SLC7A1: variants seen among roughly 807,000 people sequenced by gnomAD.
The protein encoded by SLC7A1 is high affinity cationic amino acid transporter 1.
In SLC7A1, 10 loss-of-function variants were observed where a neutral mutation model predicts 53.9. That is an observed-to-expected ratio of 0.19 (90% CI 0.11 to 0.31). The LOEUF is 0.31. SLC7A1 is among the 10% of genes least tolerant of loss of function. The pLI is 1.00. For synonymous variants in SLC7A1, 342 were observed against 338.7 expected (o/e 1.01, Z -0.11); for missense variants, 525 against 827.2 (o/e 0.63, Z 4.48).
intron 4 of SLC7A1, among the ~76,000 whole-genome samples, chr13:29,531,514 C>G (rs903221014): frequency 3.8e-4 from 58 of 152,302 alleles, no homozygotes; most frequent in African/African-American, 1.2e-3. Flanking sequence ...TTTGAGACCA[C>G]TGCTCTGCCA....
At chr13:29,542,404 G>A (rs375853362) in intron 2 of SLC7A1, among the ~76,000 whole-genome samples, 4 of 152,088 alleles carry the variant, frequency 2.6e-5, no homozygotes, top group South Asian at 2.1e-4. Context: ...ACAGTGAGCC[G>A]AGATCACGCC....
chr13:29,594,799 G>GA lies in SLC7A1; in HGVS notation c.-115+616dup, dbSNP rs1872241043. Among the ~76,000 whole-genome samples the GA allele has an allele frequency of 2.0e-5, 3 of 152,312 alleles. No homozygotes were observed. In the East Asian group the frequency reaches 5.8e-4, roughly 29 times the overall value. ...CAGGCGGCGCGTCCCGGGTTCTAGG[G>GA]ACAAGCGGAGAGCCAGGCGCCCTAG... On this transcript the variant is annotated intron_variant, in intron 1 of 12. Transcript: ENST00000380752.
In SLC7A1 at chr13:29,514,444, G is replaced by A. The variant is rs771009213; in HGVS notation, c.*36C>T. 46 of 1,540,156 alleles carry A rather than the reference G, an allele frequency of 3.0e-5. No individual in the cohort carries two copies. Among genetic ancestry groups the A allele is most frequent in the South Asian group, 1.0e-4 (9 of 89,490 alleles). ...TCCCGGTCCTCTGGGGGCGTCCCTC[G>A]GGGCTGCTGCCACCTCCGGGGGGCG... On this transcript the variant is annotated 3_prime_UTR_variant, in exon 13 of 13. Transcript: ENST00000380752.
At chr13:29,544,297 A>G (rs1244115966) in intron 2 of SLC7A1, among the ~76,000 whole-genome samples, 1 of 152,188 alleles carries the variant, frequency 6.6e-6, no homozygotes, top group African/African-American at 2.4e-5. Flanking sequence ...AAATCCTAAA[A>G]TATTAACTGA....
chr13:29,521,391 A>G (rs376058814), intron 8 of SLC7A1, among the ~76,000 whole-genome samples: 25 of 152,200 alleles, frequency 1.6e-4, no homozygotes, highest in African/African-American at 5.3e-4. Flanking sequence ...CTAATTTGCC[A>G]AAAAGACCCA....
chr13:29,532,681 G>A (rs1869216676), intron 4 of SLC7A1, 143 bp downstream of exon 4: 2 of 649,330 alleles, frequency 3.1e-6, no homozygotes, highest in Non-Finnish European at 2.6e-6. Flanking sequence ...AAATAAAGAT[G>A]CCTGCATGCA....
At chr13:29,530,381 C>A (rs1368034449) in intron 5 of SLC7A1, among the ~76,000 whole-genome samples, 157 bp downstream of exon 5, 1 of 152,166 alleles carries the variant, frequency 6.6e-6, no homozygotes, top group Admixed American at 6.5e-5. Context: ...ATACAAAATA[C>A]CCTCAGCTAC....
At chr13:29,518,899 T>C (rs2776952) in intron 9 of SLC7A1, among the ~76,000 whole-genome samples, 145,163 of 151,808 alleles carry the variant, frequency 0.96, 69,546 homozygotes, top group Non-Finnish European at 0.99. Flanking sequence ...AGCTTTACTG[T>C]GACTGGGAGA....
At position 29,514,263 on chromosome 13, in the gene SLC7A1, C is replaced by T. The variant is rs1007769103; in HGVS notation, c.*217G>A. 42 of 561,934 alleles carry T rather than the reference C, an allele frequency of 7.5e-5. 1 individual carries two copies. Among genetic ancestry groups the T allele is most frequent in the South Asian group, 1.3e-4 (6 of 45,802 alleles). The allele number at this position is 561,934 out of a possible 1,614,324, so 34.8% of individuals were successfully genotyped here. Reference sequence around the variant, plus strand: ...GTGGCCAGCCGCAGCCTAGTGGCCCCGGCCAGGCAGCTGTCTGGAGGTGAC... The same window carrying T: ...GTGGCCAGCCGCAGCCTAGTGGCCCTGGCCAGGCAGCTGTCTGGAGGTGAC... On this transcript the variant is annotated 3_prime_UTR_variant, in exon 13 of 13. Transcript: ENST00000380752.
chr13:29,579,300 G>C (rs1026773278), intron 1 of SLC7A1, among the ~76,000 whole-genome samples: 3 of 151,916 alleles, frequency 2.0e-5, no homozygotes, highest in Non-Finnish European at 4.4e-5. Context: ...AGGACACCAC[G>C]GCCAGGGATC....
intron 1 of SLC7A1, among the ~76,000 whole-genome samples, chr13:29,561,797 G>C (rs565336157): frequency 7.9e-5 from 12 of 152,270 alleles, no homozygotes; most frequent in African/African-American, 2.9e-4. Context: ...CCCCTTTTGT[G>C]ATGGGCCCCA....
chr13:29,522,842 C>A (rs1244695961), intron 7 of SLC7A1, among the ~76,000 whole-genome samples: 1 of 152,192 alleles, frequency 6.6e-6, no homozygotes, highest in Non-Finnish European at 1.5e-5. Flanking sequence ...TACCAAATAG[C>A]TCTGTTTATA....
At chr13:29,572,758 T>C (rs1452015679) in intron 1 of SLC7A1, among the ~76,000 whole-genome samples, 1 of 152,180 alleles carries the variant, frequency 6.6e-6, no homozygotes, top group Non-Finnish European at 1.5e-5. Flanking sequence ...AGCACTACAG[T>C]TGACCAGCAC....
At chr13:29,518,993 A>T (rs1431129458) in intron 9 of SLC7A1, among the ~76,000 whole-genome samples, 4 of 152,116 alleles carry the variant, frequency 2.6e-5, no homozygotes, top group African/African-American at 9.7e-5. Flanking sequence ...ATGCCACATA[A>T]TGGGATTCAT....
Position 29,514,230 on chromosome 13 carries a change from G to A in SLC7A1, c.*250C>T. 1 of 544,704 alleles carries A rather than the reference G, an allele frequency of 1.8e-6. No individual in the cohort carries two copies. 33.7% of individuals were successfully genotyped at this position (544,704 alleles called of 1,614,324 possible). A position where few individuals can be genotyped will look rare whatever the true frequency, so the allele number is the denominator to read the frequency against. ...GAACTGCTTTGTTCAGAGAAGTGAG[G>A]AGACACAGTGGCCAGCCGCAGCCTA... On this transcript the variant is annotated 3_prime_UTR_variant, in exon 13 of 13. Coordinates refer to ENST00000380752, the MANE Select transcript of SLC7A1 (RefSeq NM_003045.5).
Position 29,536,110 on chromosome 13 carries a change from G to A in SLC7A1, c.79C>T (p.Arg27Trp), listed in dbSNP as rs141349204. The A allele has an allele frequency of 1.2e-6, 2 of 1,613,984 alleles. No homozygotes were observed. The highest frequency in any genetic ancestry group is 1.7e-6 in the Non-Finnish European group (2 of 1,180,038). ...AAAGTGTTCAGGCAGCGAGACAGCC[G>A]CGTCTCCTCCCGGCTACAGTCCACC... is the stretch of plus-strand genomic sequence containing the variant. ...KVVDCSREET[R>W]LSRCLNTFDL... Residue 27 changes from arginine (R) to tryptophan (W), a missense_variant, in exon 3 of 13, where the codon CGG becomes TGG. Coordinates refer to ENST00000380752, the MANE Select transcript of SLC7A1 (RefSeq NM_003045.5).
intron 2 of SLC7A1, among the ~76,000 whole-genome samples, chr13:29,544,769 G>A (rs766631123): frequency 2.8e-4 from 39 of 139,168 alleles, no homozygotes; most frequent in Admixed American, 2.2e-3. Context: ...ATGGCATGGC[G>A]GCGAGGGCAG....
At position 29,525,615 on chromosome 13, in the gene SLC7A1, A is replaced by G. The variant is rs573081022; in HGVS notation, c.705-1362T>C. Among the ~76,000 whole-genome samples, 6 of 152,324 alleles carry G rather than the reference A, an allele frequency of 3.9e-5. No individual in the cohort carries two copies. In the South Asian group the frequency reaches 1.2e-3, roughly 32 times the overall value. On this transcript the variant is annotated intron_variant, in intron 5 of 12. Transcript: ENST00000380752. The stretch of plus-strand genomic sequence containing the variant: ...ATTAAGCCTTACTAATTCCTAGAGG[A>G]TCATCACAGCTCTCAGTTACAGAAA...
chr13:29,517,565 G>A lies in SLC7A1; in HGVS notation c.1510+8C>T, dbSNP rs370357203. The A allele has an allele frequency of 9.3e-6, 15 of 1,606,112 alleles. No individual in the cohort carries two copies. In the African/African-American group the frequency reaches 1.9e-4, roughly 20 times the overall value. ...CAAGCAAGGCCCCAGGGAAGGGCTA[G>A]CTCTTACCTATGAGGCTGGTTGAAA... On this transcript the variant is annotated splice_region_variant and intron_variant, in intron 10 of 12. Transcript: ENST00000380752.
Sources: gnomAD v4.1 joint callset for allele counts (sites outside exome capture counted in the v4.1 genomes callset) on GRCh38, gnomAD v4.1.1 for gene constraint, MANE v1.5 for transcripts, NCBI Gene and HGNC (gene_info 2026-07-23, HGNC 2026-07-21) for gene names.